Variants in POU3F3 observed in about 807,000 individuals in gnomAD.
POU3F3 encodes the protein POU domain, class 3, transcription factor 3.
POU3F3 carries 1 observed loss-of-function variant against 8.6 expected under a neutral mutation model. The ratio of observed to expected loss-of-function variants is 0.12; its 90% CI spans 0.04 to 0.55. The LOEUF (loss-of-function observed/expected upper bound fraction) is 0.55. Ranked by LOEUF, POU3F3 falls within the 20% of genes least tolerant of loss-of-function variation. The pLI is 0.91. For synonymous variants in POU3F3, 418 were observed against 327.4 expected, an observed-to-expected ratio of 1.28 and a Z score of -2.99; for missense variants, 577 against 690.7, an observed-to-expected ratio of 0.84 and a Z score of 1.84.
chr2:104,890,494 C>G, the POU3F3 span, among the ~76,000 whole-genome samples: 7 of 152,228 alleles, frequency 4.6e-5, no homozygotes, highest in East Asian at 1.4e-3. Context: ...CGCCCACCTC[C>G]CTGTGTGGGG....
upstream of POU3F3, among the ~76,000 whole-genome samples, chr2:104,854,052 G>A (rs1429385626): frequency 6.6e-6 from 1 of 152,224 alleles, no homozygotes; most frequent in African/African-American, 2.4e-5. The surrounding 1 kb of genome is among the most constrained non-coding windows in gnomAD (Gnocchi z 4.5). Flanking sequence ...GGGCCCTGGT[G>A]CTCGACTTCC....
At chr2:104,886,011 G>A in the POU3F3 span, among the ~76,000 whole-genome samples, 1 of 152,058 alleles carries the variant, frequency 6.6e-6, no homozygotes, top group South Asian at 2.1e-4. Context: ...TGGCCAAGCT[G>A]GTCTCGAACT....
the POU3F3 span, chr2:104,872,625 A>G: frequency 7.8e-6 from 2 of 256,664 alleles, no homozygotes; most frequent in Non-Finnish European, 1.5e-5. This position sits in a 1 kb window ranked among gnomAD's most constrained non-coding sequence, Gnocchi z 4.6. Flanking sequence ...GCGCGCGGAA[A>G]CCCAGGCCGC....
At chr2:104,881,834 C>T in the POU3F3 span, among the ~76,000 whole-genome samples, 1 of 152,188 alleles carries the variant, frequency 6.6e-6, no homozygotes, top group Non-Finnish European at 1.5e-5. Flanking sequence ...AGAGTGAGAA[C>T]TCTCCCTCGG....
At chr2:104,866,081 T>C in the POU3F3 span, 1 of 152,248 alleles carries the variant, frequency 6.6e-6, no homozygotes, top group South Asian at 2.1e-4. Context: ...TAAAGACTTA[T>C]GCCAAGCACA....
Position 104,855,016 on chromosome 2 carries a change from G to A in POU3F3, c.-495G>A, listed in dbSNP as rs1676518944. ...GACCGGGCAGAGTCCGGGCTCGCCC[G>A]AGGACAGGAGGAGGAGCGGGAGCCC... On this transcript the variant is annotated 5_prime_UTR_variant, in exon 1 of 1. Transcript: ENST00000361360. Among the ~76,000 whole-genome samples, 1 of 152,138 alleles carries A rather than the reference G, an allele frequency of 6.6e-6. No homozygotes were observed. Among genetic ancestry groups the A allele is most frequent in the Admixed American group, 6.5e-5 (1 of 15,286 alleles).
At chr2:104,875,215 A>C in the POU3F3 span, among the ~76,000 whole-genome samples, 16 of 152,304 alleles carry the variant, frequency 1.1e-4, no homozygotes, top group African/African-American at 3.4e-4. Context: ...TATTTACTAC[A>C]TTTGGTTTAC....
downstream of POU3F3, among the ~76,000 whole-genome samples, chr2:104,861,474 C>T (rs2104344557): frequency 6.6e-6 from 1 of 152,220 alleles, no homozygotes; most frequent in African/African-American, 2.4e-5. Context: ...AGAGCAGATG[C>T]TATGTTTCAG....
the POU3F3 span, among the ~76,000 whole-genome samples, chr2:104,903,284 A>G: frequency 5.2e-3 from 797 of 152,320 alleles, 6 homozygotes; most frequent in African/African-American, 0.018. Flanking sequence ...TGTTAATATT[A>G]ATGCTAGATT....
At chr2:104,886,107 C>G in the POU3F3 span, among the ~76,000 whole-genome samples, 1 of 152,122 alleles carries the variant, frequency 6.6e-6, no homozygotes, top group Non-Finnish European at 1.5e-5. Flanking sequence ...TGTTCCTTTA[C>G]TTTCTTAATA....
the POU3F3 span, among the ~76,000 whole-genome samples, chr2:104,919,837 CCTTTCTCTCTCTCT>C: frequency 3.9e-5 from 6 of 151,960 alleles, no homozygotes; most frequent in East Asian, 1.2e-3. Flanking sequence ...TCCCCCTCCT[CCTTTCTCTCTCTCT>C]CTTTCTCTCT....
At chr2:104,915,495 A>T in the POU3F3 span, among the ~76,000 whole-genome samples, 2 of 152,192 alleles carry the variant, frequency 1.3e-5, no homozygotes, top group Non-Finnish European at 2.9e-5. Flanking sequence ...TGAAAAAAGA[A>T]TCGTGGAGAC....
the POU3F3 span, among the ~76,000 whole-genome samples, chr2:104,882,564 T>C: frequency 1.3e-5 from 2 of 152,178 alleles, no homozygotes; most frequent in Non-Finnish European, 1.5e-5. Context: ...TTTTTAACTG[T>C]GCTTTTCTTC....
At chr2:104,881,321 A>G in the POU3F3 span, among the ~76,000 whole-genome samples, 3 of 151,882 alleles carry the variant, frequency 2.0e-5, no homozygotes, top group African/African-American at 7.3e-5. Flanking sequence ...CCACACTCAC[A>G]TAACTAAAAA....
At chr2:104,897,004 CT>C in the POU3F3 span, among the ~76,000 whole-genome samples, 1 of 152,150 alleles carries the variant, frequency 6.6e-6, no homozygotes, top group East Asian at 1.9e-4. Context: ...CCTTTGAGTC[CT>C]TGTCCTAAAT....
At chr2:104,921,779 C>T in the POU3F3 span, among the ~76,000 whole-genome samples, 5 of 152,258 alleles carry the variant, frequency 3.3e-5, no homozygotes, top group Non-Finnish European at 4.4e-5. Context: ...AGGTAGATCA[C>T]GAGGTCAGGA....
At chr2:104,864,122 C>A in the POU3F3 span, among the ~76,000 whole-genome samples, 1 of 152,228 alleles carries the variant, frequency 6.6e-6, no homozygotes, top group Non-Finnish European at 1.5e-5. Flanking sequence ...CCGTCTCCGC[C>A]CGAGGACTGC....
chr2:104,908,501 G>A, the POU3F3 span, among the ~76,000 whole-genome samples: 4 of 152,188 alleles, frequency 2.6e-5, no homozygotes, highest in Non-Finnish European at 2.9e-5. Context: ...TCAAGAGCAC[G>A]TGACCACCTT....
At chr2:104,917,999 A>G in the POU3F3 span, among the ~76,000 whole-genome samples, 1 of 152,196 alleles carries the variant, frequency 6.6e-6, no homozygotes, top group Non-Finnish European at 1.5e-5. Context: ...ACCTGGAAAT[A>G]TGGTCTTTAT....
Sources: gnomAD v4.1 joint callset for allele counts (sites outside exome capture counted in the v4.1 genomes callset) on GRCh38, gnomAD v4.1.1 for gene constraint, Gnocchi (gnomAD v3.1) non-coding constraint, MANE v1.5 for transcripts, NCBI Gene and HGNC (gene_info 2026-07-23, HGNC 2026-07-21) for gene names.